SDCCAG8: variants seen among roughly 807,000 people sequenced by gnomAD.
The protein encoded by SDCCAG8 is SHH signaling and ciliogenesis regulator SDCCAG8.
SDCCAG8 carries 74 observed loss-of-function variants against 101.8 expected under a neutral mutation model. That is an observed-to-expected ratio of 0.73 (90% confidence interval 0.60 to 0.88). SDCCAG8 has a LOEUF of 0.88. SDCCAG8 is among the 40% of genes least tolerant of loss of function. The pLI, the probability that SDCCAG8 is intolerant of heterozygous loss-of-function variation, is 0.00. For synonymous variants in SDCCAG8, 281 were observed against 292.9 expected (o/e 0.96, Z 0.41); for missense variants, 787 against 822.6 (o/e 0.96, Z 0.53).
intron 8 of SDCCAG8, among the ~76,000 whole-genome samples, chr1:243,309,492 C>A (rs1278897593): frequency 3.3e-5 from 5 of 152,184 alleles, no homozygotes; most frequent in Non-Finnish European, 4.4e-5. Flanking sequence ...GGCTAACTCA[C>A]TCAGGTTGGG....
chr1:243,389,764 G>T (rs993119242), intron 13 of SDCCAG8, among the ~76,000 whole-genome samples: 1 of 152,176 alleles, frequency 6.6e-6, no homozygotes. Context: ...TGAGGAAGCC[G>T]AGCCTCCGAA....
intron 16 of SDCCAG8, among the ~76,000 whole-genome samples, chr1:243,445,260 G>A (rs902896070): frequency 7.9e-5 from 12 of 152,120 alleles, no homozygotes; most frequent in East Asian, 5.8e-4. Flanking sequence ...ACCTCTTGTC[G>A]TCTACTCCCA....
intron 15 of SDCCAG8, 45 bp downstream of exon 15, chr1:243,418,121 T>C (rs1210876670): frequency 7.5e-7 from 1 of 1,332,798 alleles, no homozygotes; most frequent in Non-Finnish European, 1.1e-6. Flanking sequence ...GTTTGTGTGA[T>C]TACTCTAATT....
rs185371285 is a variant in SDCCAG8 at position 243,430,921 on chromosome 1, G to A, written c.1985+4363G>A. 4.6e-5 allele frequency among the ~76,000 whole-genome samples: 7 copies of A among 152,214 alleles called. No homozygotes were observed. In the East Asian group the frequency reaches 5.8e-4, roughly 13 times the overall value. On this transcript the variant is annotated intron_variant, in intron 16 of 17. Coordinates refer to ENST00000366541, the MANE Select transcript of SDCCAG8 (RefSeq NM_006642.5). Reference sequence around the variant, plus strand: ...GTTTGCTCAAGACCAGTTATGGGCCGGGCGTGGTGGCTCACGCCTGTAATC... The same window carrying A: ...GTTTGCTCAAGACCAGTTATGGGCCAGGCGTGGTGGCTCACGCCTGTAATC...
At chr1:243,479,026 C>T (rs904544890) in intron 16 of SDCCAG8, among the ~76,000 whole-genome samples, 4 of 151,528 alleles carry the variant, frequency 2.6e-5, no homozygotes, top group South Asian at 4.2e-4. Flanking sequence ...GAGCGTGTTC[C>T]GGAAGCCTCA....
At chr1:243,452,514 C>A (rs2083446607) in intron 16 of SDCCAG8, among the ~76,000 whole-genome samples, 1 of 148,932 alleles carries the variant, frequency 6.7e-6, no homozygotes, top group Non-Finnish European at 1.5e-5. Context: ...CCTCGAACTC[C>A]TGGCCTGTAG....
Position 243,474,577 on chromosome 1 carries a change from C to T in SDCCAG8, c.1986-14437C>T, listed in dbSNP as rs575364494. 2.0e-5 allele frequency among the ~76,000 whole-genome samples: 3 copies of T among 152,330 alleles called. No individual in the cohort carries two copies. Among genetic ancestry groups the T allele is most frequent in the Admixed American group, 1.3e-4 (2 of 15,314 alleles). On this transcript the variant is annotated intron_variant, in intron 16 of 17. Coordinates refer to ENST00000366541, the MANE Select transcript of SDCCAG8 (RefSeq NM_006642.5). This position sits in a 1 kb window ranked among gnomAD's most constrained non-coding sequence, Gnocchi z 4.7. ...TGGCCGCCTAGGCCACCCTGCCCGG[C>T]GAGGGAGAGGGGTGTCTCCTGCCTG...
intron 12 of SDCCAG8, among the ~76,000 whole-genome samples, chr1:243,374,119 T>C (rs1459018341): frequency 2.0e-5 from 3 of 151,896 alleles, no homozygotes; most frequent in Non-Finnish European, 4.4e-5. Flanking sequence ...AAATACAAAA[T>C]GGGTAGAAAA....
chr1:243,335,987 T>C (rs2074981697), intron 10 of SDCCAG8, among the ~76,000 whole-genome samples: 1 of 152,242 alleles, frequency 6.6e-6, no homozygotes, highest in African/African-American at 2.4e-5. Context: ...TTTTTATGGC[T>C]GCATAGTATT....
chr1:243,330,805 T>A (rs1468274170), intron 10 of SDCCAG8, 113 bp downstream of exon 10: 1 of 975,686 alleles, frequency 1.0e-6, no homozygotes, highest in Non-Finnish European at 1.6e-6. Flanking sequence ...AAAATCGTTA[T>A]TATATAAGTA....
intron 4 of SDCCAG8, among the ~76,000 whole-genome samples, chr1:243,275,918 C>T (rs1174246475): frequency 5.8e-5 from 7 of 121,464 alleles, no homozygotes; most frequent in South Asian, 5.5e-4. Flanking sequence ...GACTGGAGTG[C>T]GGTGTCACAG....
intron 1 of SDCCAG8, chr1:243,268,206 T>C: frequency 2.0e-6 from 1 of 495,410 alleles, no homozygotes; most frequent in Non-Finnish European, 3.7e-6. Flanking sequence ...TCAAACTGTC[T>C]CGTTCCTTTC....
At chr1:243,350,020 G>A (rs1447747348) in intron 12 of SDCCAG8, among the ~76,000 whole-genome samples, 1 of 152,092 alleles carries the variant, frequency 6.6e-6, no homozygotes, top group African/African-American at 2.4e-5. Flanking sequence ...AAGGATTTGA[G>A]GGTTGCTCAT....
rs572593283 is a variant in SDCCAG8, at chr1:243,317,573, G to A, written c.1068+680G>A. 8.5e-4 allele frequency among the ~76,000 whole-genome samples: 129 copies of A among 152,230 alleles called. 2 individuals carry two copies. The South Asian group carries it at 0.025, about 30-fold the overall frequency. ...TGACCTCAGGTGATCTGCCCATCTC[G>A]TCCTCCCAAAGTGCTGAGATTACAG... On this transcript the variant is annotated intron_variant, in intron 9 of 17. Transcript: ENST00000366541.
chr1:243,301,644 A>G (rs1026625544), intron 6 of SDCCAG8, among the ~76,000 whole-genome samples: 1 of 152,242 alleles, frequency 6.6e-6, no homozygotes, highest in African/African-American at 2.4e-5. Context: ...CAACACGCAC[A>G]AAAACTTTGT....
intron 16 of SDCCAG8, among the ~76,000 whole-genome samples, chr1:243,455,944 C>G (rs977680030): frequency 3.3e-5 from 5 of 152,152 alleles, no homozygotes; most frequent in African/African-American, 1.2e-4. Flanking sequence ...GCTGTGGCCC[C>G]TAAGGAAACA....
intron 5 of SDCCAG8, among the ~76,000 whole-genome samples, chr1:243,289,817 G>A (rs12079656): frequency 6.6e-6 from 1 of 151,834 alleles, no homozygotes; most frequent in African/African-American, 2.4e-5. Context: ...AACCATCTTT[G>A]TTTGCAGAGG....
chr1:243,381,061 T>C (rs184577050), intron 13 of SDCCAG8, among the ~76,000 whole-genome samples: 1 of 145,414 alleles, frequency 6.9e-6, no homozygotes, highest in Admixed American at 6.8e-5. Context: ...CTGAAATACA[T>C]AACTCCCACG....
At chr1:243,460,815 G>A (rs978763561) in intron 16 of SDCCAG8, among the ~76,000 whole-genome samples, 2 of 152,054 alleles carry the variant, frequency 1.3e-5, no homozygotes, top group South Asian at 2.1e-4. Context: ...CAGCGTGTTC[G>A]GCTTGTTCCC....
Sources: allele counts gnomAD v4.1 joint callset (sites outside exome capture counted in the v4.1 genomes callset), GRCh38; gene constraint gnomAD v4.1.1; non-coding constraint Gnocchi (gnomAD v3.1); transcripts MANE v1.5; gene names NCBI Gene and HGNC (gene_info 2026-07-23, HGNC 2026-07-21).